ARB2A: variants seen among roughly 807,000 people sequenced by gnomAD.
ARB2A encodes the protein ARB2 cotranscriptional regulator A, also known as cotranscriptional regulator ARB2A.
the ARB2A span, chr5:94,050,602 A>C: frequency 2.8e-6 from 2 of 710,748 alleles, no homozygotes; most frequent in Non-Finnish European, 4.5e-6. Context: ...AGGAACAAAA[A>C]AAAAAAACAA....
chr5:93,998,194 T>C, the ARB2A span, among the ~76,000 whole-genome samples: 3 of 152,094 alleles, frequency 2.0e-5, no homozygotes, highest in African/African-American at 7.2e-5. Context: ...CCAAACATGA[T>C]TTTTTAAAAT....
At chr5:93,867,142 CA>C in the ARB2A span, among the ~76,000 whole-genome samples, 1 of 152,048 alleles carries the variant, frequency 6.6e-6, no homozygotes, top group Admixed American at 6.5e-5. Context: ...TATAATGGTT[CA>C]AAGTCTGTGT....
At chr5:93,810,475 TCAC>T in the ARB2A span, among the ~76,000 whole-genome samples, 1 of 152,114 alleles carries the variant, frequency 6.6e-6, no homozygotes, top group Non-Finnish European at 1.5e-5. Flanking sequence ...CAACCACGGC[TCAC>T]TGTATCCTTG....
the ARB2A span, among the ~76,000 whole-genome samples, chr5:93,913,527 C>T: frequency 6.1e-4 from 92 of 151,880 alleles, 1 homozygote; most frequent in African/African-American, 1.1e-3. Context: ...GAGCATGAGC[C>T]GAATGAAAAA....
the ARB2A span, among the ~76,000 whole-genome samples, chr5:94,052,754 T>C: frequency 1.3e-5 from 2 of 152,174 alleles, no homozygotes; most frequent in East Asian, 1.9e-4. Flanking sequence ...AGACACTTTA[T>C]TCTAAATAAC....
the ARB2A span, among the ~76,000 whole-genome samples, chr5:94,001,618 G>C: frequency 1.3e-5 from 2 of 151,930 alleles, no homozygotes; most frequent in Non-Finnish European, 2.9e-5. Flanking sequence ...CTGATAAAAG[G>C]CATTCATTTT....
chr5:93,914,857 C>T, the ARB2A span, among the ~76,000 whole-genome samples: 1 of 151,810 alleles, frequency 6.6e-6, no homozygotes, highest in Admixed American at 6.6e-5. Context: ...CAACGTGTTA[C>T]CCTCCCTCAT....
chr5:93,824,090 G>A, the ARB2A span: 4 of 1,397,882 alleles, frequency 2.9e-6, no homozygotes, highest in African/African-American at 5.9e-5. Context: ...CAGAAAGAAA[G>A]GAGAGGGGAT....
the ARB2A span, among the ~76,000 whole-genome samples, chr5:93,912,793 T>C: frequency 6.6e-6 from 1 of 151,906 alleles, no homozygotes; most frequent in Non-Finnish European, 1.5e-5. Flanking sequence ...TTTTTCTTCT[T>C]CATATTCCTT....
At chr5:93,937,909 G>T in the ARB2A span, among the ~76,000 whole-genome samples, 2 of 152,076 alleles carry the variant, frequency 1.3e-5, no homozygotes, top group African/African-American at 4.8e-5. Flanking sequence ...AAGGAAAAAA[G>T]TCTGTATATA....
At chr5:93,752,793 T>C in the ARB2A span, among the ~76,000 whole-genome samples, 1 of 152,200 alleles carries the variant, frequency 6.6e-6, no homozygotes, top group Non-Finnish European at 1.5e-5. Flanking sequence ...ATTTCAACTA[T>C]TTATTATGAA....
chr5:93,642,087 C>G, the ARB2A span, among the ~76,000 whole-genome samples: 47 of 152,088 alleles, frequency 3.1e-4, no homozygotes, highest in African/African-American at 1.1e-3. Flanking sequence ...CCCAAGTGAT[C>G]CTTGCATCTC....
the ARB2A span, among the ~76,000 whole-genome samples, chr5:93,632,808 G>C: frequency 2.6e-5 from 4 of 152,168 alleles, no homozygotes; most frequent in African/African-American, 9.7e-5. Context: ...TGAAGTAGGA[G>C]TTGAAAGAAA....
At chr5:94,026,531 C>T in the ARB2A span, among the ~76,000 whole-genome samples, 1 of 151,968 alleles carries the variant, frequency 6.6e-6, no homozygotes, top group Admixed American at 6.6e-5. Context: ...GGAATGTGTG[C>T]TGATTGGTTT....
the ARB2A span, among the ~76,000 whole-genome samples, chr5:93,792,079 A>G: frequency 3.3e-5 from 5 of 152,156 alleles, no homozygotes; most frequent in African/African-American, 4.8e-5. Context: ...CAATCAAGAA[A>G]ACAGCTAGTA....
chr5:93,755,191 C>A, the ARB2A span, among the ~76,000 whole-genome samples: 4 of 152,030 alleles, frequency 2.6e-5, no homozygotes, highest in Non-Finnish European at 5.9e-5. Flanking sequence ...CATATTTATA[C>A]AAGATAAGTG....
the ARB2A span, among the ~76,000 whole-genome samples, chr5:93,943,099 T>C: frequency 6.6e-6 from 1 of 152,146 alleles, no homozygotes. Context: ...TCCCTATGTA[T>C]ACTTCATGCA....
At chr5:93,838,436 C>T in the ARB2A span, among the ~76,000 whole-genome samples, 4 of 152,062 alleles carry the variant, frequency 2.6e-5, no homozygotes, top group Non-Finnish European at 5.9e-5. Flanking sequence ...AATGTGATAC[C>T]TCCACCTTTG....
At chr5:93,650,989 C>A in the ARB2A span, among the ~76,000 whole-genome samples, 1 of 151,946 alleles carries the variant, frequency 6.6e-6, no homozygotes, top group East Asian at 1.9e-4. Flanking sequence ...AAGATCATGT[C>A]TTAGAAAAAA....
Sources: gnomAD v4.1 joint callset for allele counts (sites outside exome capture counted in the v4.1 genomes callset) on GRCh38, gnomAD v4.1.1 for gene constraint, MANE v1.5 for transcripts, NCBI Gene and HGNC (gene_info 2026-07-23, HGNC 2026-07-21) for gene names.